FSHR: variants seen among roughly 807,000 people sequenced by gnomAD.
FSHR encodes the protein follicle stimulating hormone receptor.
A neutral mutation model predicts 52.1 loss-of-function variants in FSHR; 46 were observed. That is an observed-to-expected ratio of 0.88 (90% CI 0.70 to 1.13). The LOEUF is 1.13. Ranked by LOEUF, FSHR falls within the 50% of genes most tolerant of loss-of-function variation. FSHR has a pLI of 0.00. For synonymous variants in FSHR, 399 were observed against 309.6 expected, an observed-to-expected ratio of 1.29 and a Z score of -3.03; for missense variants, 964 against 834.6, an observed-to-expected ratio of 1.16 and a Z score of -1.91.
chr2:49,153,991 T>C (rs578000724), intron 1 of FSHR, among the ~76,000 whole-genome samples: 5 of 152,270 alleles, frequency 3.3e-5, no homozygotes, highest in South Asian at 4.1e-4. Context: ...CAAGAGCAAA[T>C]GCATTGAAAA....
intron 4 of FSHR, among the ~76,000 whole-genome samples, chr2:49,010,528 T>C (rs1372644310): frequency 1.3e-5 from 2 of 152,006 alleles, no homozygotes; most frequent in Admixed American, 6.6e-5. Context: ...GGTATCAGAA[T>C]GATGCTGGCC....
chr2:49,099,956 G>T lies in FSHR; in HGVS notation c.153-31666C>A, dbSNP rs768523330. On this transcript the variant is annotated intron_variant, in intron 1 of 9. Transcript: ENST00000406846. ...TTAATATAATGTATAATGAGCAGTT[G>T]GCTGTATAAATCCAAAGCTAAGGAA... is the stretch of plus-strand genomic sequence containing the variant. Among the ~76,000 whole-genome samples, 4 of 152,090 alleles carry T rather than the reference G, an allele frequency of 2.6e-5. No individual in the cohort carries two copies. In the East Asian group the frequency reaches 7.7e-4, roughly 29 times the overall value.
intron 1 of FSHR, among the ~76,000 whole-genome samples, chr2:49,152,339 C>A (rs368110214): frequency 6.6e-6 from 1 of 152,090 alleles, no homozygotes; most frequent in Non-Finnish European, 1.5e-5. Flanking sequence ...TGCTCTCTTT[C>A]CTTAGTTGCA....
At chr2:49,059,234 CCAA>C (rs1558416633) in intron 2 of FSHR, among the ~76,000 whole-genome samples, 2 of 151,744 alleles carry the variant, frequency 1.3e-5, no homozygotes, top group African/African-American at 2.4e-5. Context: ...AATAAAACAG[CCAA>C]CAACAATGCC....
chr2:48,985,697 GTTTTTTTTTTTT>G (rs70946839), intron 6 of FSHR, among the ~76,000 whole-genome samples: 2 of 99,540 alleles, frequency 2.0e-5, no homozygotes, highest in Non-Finnish European at 3.8e-5. Context: ...GCAAGTACAG[GTTTTTTTTTTTT>G]TTTTTTTTTT....
intron 4 of FSHR, among the ~76,000 whole-genome samples, chr2:49,000,682 T>C (rs1032758459): frequency 2.6e-5 from 4 of 152,172 alleles, no homozygotes; most frequent in African/African-American, 9.6e-5. Context: ...TGTAGATTTT[T>C]CCCTTCCTAT....
intron 2 of FSHR, among the ~76,000 whole-genome samples, chr2:49,045,984 T>C (rs1668640073): frequency 6.6e-6 from 1 of 152,134 alleles, no homozygotes; most frequent in African/African-American, 2.4e-5. Flanking sequence ...AACAAAACAC[T>C]ATATGGAGAA....
chr2:49,093,921 A>T (rs1670716629), intron 1 of FSHR, among the ~76,000 whole-genome samples: 1 of 152,176 alleles, frequency 6.6e-6, no homozygotes, highest in South Asian at 2.1e-4. Context: ...CATTATATTT[A>T]AAATGGATTT....
intron 3 of FSHR, among the ~76,000 whole-genome samples, chr2:49,019,685 C>G (rs1014936557): frequency 2.0e-5 from 3 of 152,170 alleles, no homozygotes; most frequent in Non-Finnish European, 4.4e-5. Flanking sequence ...TCTATCTTGG[C>G]CAAGGTTTCA....
intron 9 of FSHR, among the ~76,000 whole-genome samples, chr2:48,967,243 G>A (rs1674517547): frequency 6.6e-6 from 1 of 152,030 alleles, no homozygotes. Flanking sequence ...CTACAGGCAT[G>A]CGCCACCACA....
rs74495073 is a variant in FSHR at position 49,087,726 on chromosome 2, G to A, written c.153-19436C>T. 1.5e-3 allele frequency among the ~76,000 whole-genome samples: 226 copies of A among 152,208 alleles called. 2 individuals carry two copies. Among genetic ancestry groups the A allele is most frequent in the African/African-American group, 5.4e-3 (223 of 41,528 alleles). ...GGATGGATGGAGACAGAGGGAGGGA[G>A]CAAGGGAAGGCGAAAGATGTGGGAG... On this transcript the variant is annotated intron_variant, in intron 1 of 9. Coordinates refer to ENST00000406846, the MANE Select transcript of FSHR (RefSeq NM_000145.4).
chr2:48,968,917 C>G, intron 8 of FSHR, 34 bp from the exon 9 acceptor site: 1 of 1,595,578 alleles, frequency 6.3e-7, no homozygotes, highest in Non-Finnish European at 8.6e-7. Context: ...AACAGGATTA[C>G]TATGGACCTA....
chr2:49,021,874 TATATATATATATAGAGAG>T (rs1244203564), intron 2 of FSHR, among the ~76,000 whole-genome samples: 1 of 56,774 alleles, frequency 1.8e-5, no homozygotes, highest in African/African-American at 7.2e-5. Context: ...TATATATATA[TATATATATATATAGAGAG>T]AGAGAGAGAG....
Position 49,133,681 on chromosome 2 carries a change from A to G in FSHR, c.152+20585T>C, listed in dbSNP as rs937651127. On this transcript the variant is annotated intron_variant, in intron 1 of 9. Coordinates refer to ENST00000406846, the MANE Select transcript of FSHR (RefSeq NM_000145.4). ...TGACTTCAAACTATACTATAAGGCTACAATAACCAAAACAGCACGGTACTG... is the reference window on the plus strand; with the variant it reads ...TGACTTCAAACTATACTATAAGGCTGCAATAACCAAAACAGCACGGTACTG... Among the ~76,000 whole-genome samples the G allele has an allele frequency of 1.2e-4, 19 of 152,330 alleles. No individual in the cohort carries two copies. The South Asian group carries it at 3.5e-3, about 28-fold the overall frequency.
At chr2:49,028,692 T>C (rs762601315) in intron 2 of FSHR, among the ~76,000 whole-genome samples, 3 of 152,190 alleles carry the variant, frequency 2.0e-5, no homozygotes, top group Non-Finnish European at 4.4e-5. Context: ...AGAAGTGGTG[T>C]GTGCTATTTC....
At chr2:48,978,952 C>T (rs906688130) in intron 8 of FSHR, among the ~76,000 whole-genome samples, 2 of 152,086 alleles carry the variant, frequency 1.3e-5, no homozygotes, top group Non-Finnish European at 2.9e-5. Context: ...AAGGACTGAG[C>T]CAGTGAGGGA....
intron 1 of FSHR, among the ~76,000 whole-genome samples, chr2:49,109,853 A>G (rs1671361623): frequency 6.6e-6 from 1 of 152,190 alleles, no homozygotes; most frequent in African/African-American, 2.4e-5. Context: ...CCTTCTGTAA[A>G]AAAGGGTAAA....
rs564138376 is a variant in FSHR, at chr2:49,109,732, A to G, written c.153-41442T>C. Among the ~76,000 whole-genome samples the G allele has an allele frequency of 5.8e-4, 88 of 152,318 alleles. 2 individuals are homozygous for G. The highest frequency in any genetic ancestry group is 2.4e-4 in the Non-Finnish European group (16 of 68,022). On this transcript the variant is annotated intron_variant, in intron 1 of 9. Transcript: ENST00000406846. Reference sequence around the variant, plus strand: ...ACATCTTCTAAAAATCTTCTCCAGTATCTCAGAAATTGCTTTTTCCTTTAT... The same window carrying G: ...ACATCTTCTAAAAATCTTCTCCAGTGTCTCAGAAATTGCTTTTTCCTTTAT...
chr2:49,047,758 A>C (rs1042875558), intron 2 of FSHR, among the ~76,000 whole-genome samples: 2 of 152,230 alleles, frequency 1.3e-5, no homozygotes, highest in Admixed American at 1.3e-4. Flanking sequence ...AGAATTATGA[A>C]CAAGATTTAA....
Sources: gnomAD v4.1 joint callset for allele counts (sites outside exome capture counted in the v4.1 genomes callset) on GRCh38, gnomAD v4.1.1 for gene constraint, MANE v1.5 for transcripts, NCBI Gene and HGNC (gene_info 2026-07-23, HGNC 2026-07-21) for gene names.